The following MCTP1 variants were observed in gnomAD, a reference collection of about 807,000 sequenced individuals.
The protein encoded by MCTP1 is multiple C2 and transmembrane domain-containing protein 1.
MCTP1 carries 69 observed loss-of-function variants against 120.6 expected under a neutral mutation model. The ratio of observed to expected loss-of-function variants is 0.57; its 90% CI spans 0.47 to 0.70. MCTP1 has a LOEUF of 0.70. MCTP1 is among the 30% of genes least tolerant of loss of function. MCTP1 has a pLI of 0.00. For missense variants in MCTP1, 1,203 were observed against 1,248.8 expected (o/e 0.96, Z 0.55); for synonymous variants, 529 against 493.1 (o/e 1.07, Z -0.96).
At chr5:95,109,560 T>C (rs561486577) in intron 1 of MCTP1, among the ~76,000 whole-genome samples, 1 of 152,022 alleles carries the variant, frequency 6.6e-6, no homozygotes, top group African/African-American at 2.4e-5. Context: ...AAAAAAAAAA[T>C]TTCGTACCAG....
intron 17 of MCTP1, among the ~76,000 whole-genome samples, chr5:94,825,662 T>G (rs1253112760): frequency 6.6e-6 from 1 of 152,096 alleles, no homozygotes; most frequent in Non-Finnish European, 1.5e-5. Context: ...CCACTATTAT[T>G]GTGTGGGAGT....
intron 1 of MCTP1, among the ~76,000 whole-genome samples, chr5:95,135,274 C>CAAAG (rs1759367619): frequency 6.6e-6 from 1 of 151,848 alleles, no homozygotes; most frequent in African/African-American, 2.4e-5. Flanking sequence ...CAACAAATCA[C>CAAAG]AAAGAAAGAA....
chr5:95,178,784 A>T (rs753365331), intron 1 of MCTP1, among the ~76,000 whole-genome samples: 2 of 152,158 alleles, frequency 1.3e-5, no homozygotes, highest in Non-Finnish European at 2.9e-5. Flanking sequence ...ACATCCCCAA[A>T]AGACCACACC....
At position 94,706,089 on chromosome 5, in the gene MCTP1, T is replaced by C. The variant is rs1267644303; in HGVS notation, c.*1407A>G. On this transcript the variant is annotated 3_prime_UTR_variant, in exon 23 of 23. Coordinates refer to ENST00000515393, the MANE Select transcript of MCTP1 (RefSeq NM_024717.7). ...AAGAATCTTCCTTTAGAGTGAAATATACATTTCTTTTAGCTTTTCTATAGT... is the reference window on the plus strand; with the variant it reads ...AAGAATCTTCCTTTAGAGTGAAATACACATTTCTTTTAGCTTTTCTATAGT... 1 of 151,664 alleles carries C rather than the reference T, an allele frequency of 6.6e-6. No individual in the cohort carries two copies. The highest frequency in any genetic ancestry group is 1.5e-5 in the Non-Finnish European group (1 of 67,738). 9.4% of individuals were successfully genotyped at this position (151,664 alleles called of 1,614,324 possible).
At chr5:95,273,862 C>T (rs1295465594) in intron 1 of MCTP1, among the ~76,000 whole-genome samples, 3 of 152,206 alleles carry the variant, frequency 2.0e-5, no homozygotes, top group Non-Finnish European at 2.9e-5. Flanking sequence ...GGAAAATACG[C>T]TGTGATGAAC....
At chr5:94,746,709 T>C (rs1434484026) in intron 19 of MCTP1, among the ~76,000 whole-genome samples, 1 of 152,202 alleles carries the variant, frequency 6.6e-6, no homozygotes, top group Non-Finnish European at 1.5e-5. Flanking sequence ...GTCATAAAGA[T>C]AGGTAAATTA....
In MCTP1 at chr5:94,708,520, C is replaced by T. The variant is rs765812489; in HGVS notation, c.2920G>A (p.Val974Ile). ...TAACGAAACCTACATACCACTTGTA[C>T]ATCTGAAGGGACTCTGGAAAGGAAG... ...LDFLSRVPSD[V>I]QVVQYQELKP... The change falls in exon 22 of 23, where the codon GTA becomes ATA. Residue 974 changes from valine (V) to isoleucine (I), a missense_variant. This residue lies in a region of MCTP1 where 740 missense variants were observed against 871.1 expected (regional missense o/e 0.85). Transcript: ENST00000515393. 6.3e-7 allele frequency: 1 copy of T among 1,591,942 alleles called. No individual in the cohort carries two copies. The highest frequency in any genetic ancestry group is 1.7e-5 in the Admixed American group (1 of 59,768).
chr5:95,225,774 C>T (rs1369755219), intron 1 of MCTP1, among the ~76,000 whole-genome samples: 1 of 152,100 alleles, frequency 6.6e-6, no homozygotes, highest in Non-Finnish European at 1.5e-5. Flanking sequence ...CCTCTCCATT[C>T]CCTCCCACCT....
intron 1 of MCTP1, among the ~76,000 whole-genome samples, chr5:95,095,682 G>C (rs1348695247): frequency 2.6e-5 from 4 of 152,168 alleles, no homozygotes; most frequent in Admixed American, 2.6e-4. Flanking sequence ...GATTCTTTCA[G>C]TCACTTATAT....
At chr5:95,039,772 C>CA (rs924551209) in intron 1 of MCTP1, among the ~76,000 whole-genome samples, 5 of 140,152 alleles carry the variant, frequency 3.6e-5, no homozygotes, top group Admixed American at 7.7e-5. Context: ...AAATACAATG[C>CA]AAAAAAATGC....
At position 95,072,920 on chromosome 5, in the gene MCTP1, T is replaced by C. The variant is rs566597141; in HGVS notation, c.721-55436A>G. 3.3e-5 allele frequency among the ~76,000 whole-genome samples: 5 copies of C among 152,122 alleles called. No individual in the cohort carries two copies. The South Asian group carries it at 1.0e-3, about 32-fold the overall frequency. ...GCCACCATACCTGGCTAATTTTTTG[T>C]ATTTTTAGTAGAGATGAGGTTTCAC... On this transcript the variant is annotated intron_variant, in intron 1 of 22. Coordinates refer to ENST00000515393, the MANE Select transcript of MCTP1 (RefSeq NM_024717.7).
At chr5:94,991,347 T>C (rs1057120396) in intron 2 of MCTP1, among the ~76,000 whole-genome samples, 18 of 152,218 alleles carry the variant, frequency 1.2e-4, no homozygotes. Flanking sequence ...AAGACATTGT[T>C]CATAACATTA....
At chr5:95,079,002 A>G (rs1194362289) in intron 1 of MCTP1, among the ~76,000 whole-genome samples, 1 of 152,192 alleles carries the variant, frequency 6.6e-6, no homozygotes, top group Non-Finnish European at 1.5e-5. Flanking sequence ...ATATTTCAGT[A>G]TGCTGTAAAT....
intron 1 of MCTP1, among the ~76,000 whole-genome samples, chr5:95,041,706 T>C (rs777092238): frequency 2.0e-4 from 30 of 152,292 alleles, no homozygotes; most frequent in Non-Finnish European, 2.6e-4. Flanking sequence ...GTAAATAGAA[T>C]ATAGTCATAC....
intron 2 of MCTP1, among the ~76,000 whole-genome samples, chr5:94,973,820 G>A (rs952416515): frequency 6.6e-6 from 1 of 152,096 alleles, no homozygotes; most frequent in African/African-American, 2.4e-5. Flanking sequence ...AGATGGTTTA[G>A]TGTGGTACAG....
chr5:95,066,597 G>A (rs1290853839), intron 1 of MCTP1, among the ~76,000 whole-genome samples: 2 of 152,038 alleles, frequency 1.3e-5, no homozygotes, highest in African/African-American at 2.4e-5. Flanking sequence ...CTAAGTGTCC[G>A]TCAACAGATA....
chr5:94,863,831 T>G (rs1414774553), intron 17 of MCTP1, among the ~76,000 whole-genome samples: 1 of 151,856 alleles, frequency 6.6e-6, no homozygotes. Context: ...CACTTTTTTT[T>G]TTTTAATCAT....
chr5:94,999,960 G>A (rs77659344), intron 2 of MCTP1, among the ~76,000 whole-genome samples: 4,224 of 152,260 alleles, frequency 0.028, 71 homozygotes, highest in Admixed American at 0.041. Context: ...AGCTTTCTGG[G>A]ACAGTGAAGC....
intron 2 of MCTP1, among the ~76,000 whole-genome samples, chr5:94,960,048 C>A (rs1184680191): frequency 1.3e-5 from 2 of 152,310 alleles, no homozygotes; most frequent in Middle Eastern, 3.4e-3. Context: ...ACCAAAACAG[C>A]ATGGTACTGA....
Sources: allele counts gnomAD v4.1 joint callset (sites outside exome capture counted in the v4.1 genomes callset), GRCh38; gene constraint gnomAD v4.1.1; regional missense constraint gnomAD v4.1.1; transcripts MANE v1.5; gene names NCBI Gene and HGNC (gene_info 2026-07-23, HGNC 2026-07-21).